The following STXBP5L variants were observed in gnomAD, a reference collection of about 807,000 sequenced individuals.
STXBP5L encodes the protein syntaxin-binding protein 5-like.
In STXBP5L, 65 loss-of-function variants were observed where a neutral mutation model predicts 144.5. That is an observed-to-expected ratio of 0.45 (90% CI 0.37 to 0.55). The LOEUF is 0.55. Among genes scored for constraint, STXBP5L ranks in the 20% least tolerant of loss-of-function variants. The pLI, the probability that STXBP5L is intolerant of heterozygous loss-of-function variation, is 0.00. For synonymous variants in STXBP5L, 505 were observed against 469.6 expected (o/e 1.08, Z -0.97); for missense variants, 1,298 against 1,405.5 (o/e 0.92, Z 1.22).
At chr3:121,060,559 C>G (rs1039187260) in intron 5 of STXBP5L, among the ~76,000 whole-genome samples, 26 of 152,290 alleles carry the variant, frequency 1.7e-4, no homozygotes, top group Admixed American at 1.0e-3. Flanking sequence ...ACCAGCTCCT[C>G]TTTGTACCTC....
At chr3:121,204,687 A>G (rs1158106470) in intron 9 of STXBP5L, among the ~76,000 whole-genome samples, 2 of 152,326 alleles carry the variant, frequency 1.3e-5, no homozygotes, top group African/African-American at 2.4e-5. Context: ...TGTAATAGAT[A>G]AACAACTGTG....
chr3:121,305,627 C>T (rs1282697864), intron 19 of STXBP5L, among the ~76,000 whole-genome samples: 1 of 151,924 alleles, frequency 6.6e-6, no homozygotes, highest in African/African-American at 2.4e-5. Flanking sequence ...CTTAACAAAA[C>T]AAGAATAGAA....
intron 5 of STXBP5L, among the ~76,000 whole-genome samples, chr3:121,067,187 G>T (rs2041590079): frequency 6.6e-6 from 1 of 151,096 alleles, no homozygotes; most frequent in Non-Finnish European, 1.5e-5. Flanking sequence ...TTCTTCATTG[G>T]GTTTGGTTTA....
At chr3:121,004,004 T>G (rs1168665766) in intron 3 of STXBP5L, among the ~76,000 whole-genome samples, 11 of 152,162 alleles carry the variant, frequency 7.2e-5, no homozygotes, top group Non-Finnish European at 1.5e-5. Context: ...GCTTTGTTCT[T>G]TTGGCTTAGG....
intron 5 of STXBP5L, among the ~76,000 whole-genome samples, chr3:121,078,629 G>A (rs576079158): frequency 6.4e-4 from 97 of 152,322 alleles, no homozygotes; most frequent in Middle Eastern, 6.8e-3. Context: ...CCCACGGAGT[G>A]GGGGAGGCTC....
At chr3:121,211,864 G>C (rs1484635614) in intron 10 of STXBP5L, among the ~76,000 whole-genome samples, 1 of 151,970 alleles carries the variant, frequency 6.6e-6, no homozygotes, top group Non-Finnish European at 1.5e-5. Context: ...ACAGGAGTGA[G>C]CCAACATGCT....
At chr3:121,322,285 C>T (rs1414833627) in intron 20 of STXBP5L, among the ~76,000 whole-genome samples, 11 of 152,024 alleles carry the variant, frequency 7.2e-5, no homozygotes. Flanking sequence ...TTGAGACCAG[C>T]CTAACCAACA....
intron 10 of STXBP5L, among the ~76,000 whole-genome samples, chr3:121,215,192 G>T (rs979611387): frequency 1.3e-5 from 2 of 152,058 alleles, no homozygotes; most frequent in African/African-American, 4.8e-5. Flanking sequence ...GGGGCATTTA[G>T]CCCACTTACA....
At chr3:121,104,167 G>A (rs537456704) in intron 5 of STXBP5L, among the ~76,000 whole-genome samples, 6 of 152,134 alleles carry the variant, frequency 3.9e-5, no homozygotes, top group African/African-American at 1.4e-4. Context: ...CCTGATCCAG[G>A]CAAGATAATA....
At chr3:121,021,604 T>A (rs570130813) in intron 3 of STXBP5L, among the ~76,000 whole-genome samples, 3 of 152,232 alleles carry the variant, frequency 2.0e-5, no homozygotes, top group Non-Finnish European at 4.4e-5. Context: ...GAAATCATCT[T>A]CAAAAGGAAC....
chr3:121,055,794 G>A (rs1020075804), intron 5 of STXBP5L, among the ~76,000 whole-genome samples: 1 of 151,862 alleles, frequency 6.6e-6, no homozygotes, highest in Non-Finnish European at 1.5e-5. Flanking sequence ...TGAATTCCTG[G>A]GCTACAGCAG....
chr3:121,217,576 C>T (rs2048823651), intron 10 of STXBP5L, among the ~76,000 whole-genome samples: 1 of 152,132 alleles, frequency 6.6e-6, no homozygotes, highest in Admixed American at 6.5e-5. Context: ...GAAATCACTT[C>T]CTTCTGTGTT....
At chr3:121,381,936 C>A (rs113157737) in intron 22 of STXBP5L, among the ~76,000 whole-genome samples, 2 of 152,214 alleles carry the variant, frequency 1.3e-5, no homozygotes, top group South Asian at 2.1e-4. Flanking sequence ...AAGCTAGAAG[C>A]TATCTGACCT....
At chr3:120,920,532 A>G (rs1268114289) in intron 2 of STXBP5L, among the ~76,000 whole-genome samples, 1 of 151,800 alleles carries the variant, frequency 6.6e-6, no homozygotes, top group African/African-American at 2.4e-5. Flanking sequence ...AGCTATTTTG[A>G]AATGTACAAT....
At chr3:121,021,670 G>T (rs900855331) in intron 3 of STXBP5L, among the ~76,000 whole-genome samples, 1 of 152,012 alleles carries the variant, frequency 6.6e-6, no homozygotes, top group African/African-American at 2.4e-5. Flanking sequence ...ATGATTGCTG[G>T]GTCAACAATG....
chr3:121,034,169 C>G (rs1946587741), intron 3 of STXBP5L, among the ~76,000 whole-genome samples: 1 of 151,894 alleles, frequency 6.6e-6, no homozygotes, highest in Non-Finnish European at 1.5e-5. Context: ...TTAAGGGGTA[C>G]AATTGCAGTT....
rs1937878523 is a variant in STXBP5L, at chr3:120,955,113, T to C, written c.287+76T>C. On this transcript the variant is annotated intron_variant, in intron 3 of 26. Coordinates refer to ENST00000471454, the MANE Select transcript of STXBP5L (RefSeq NM_001308330.2). ...TCTTTAAATATTCAGGTAAGATAAA[T>C]ATTTATGACCAAATAAAGTTTATTA... 3.9e-6 allele frequency: 4 copies of C among 1,031,634 alleles called. No individual in the cohort carries two copies. In the Admixed American group the frequency reaches 6.8e-5, roughly 17 times the overall value. The allele number at this position is 1,031,634 out of a possible 1,614,324, so 63.9% of individuals were successfully genotyped here.
Position 121,422,796 on chromosome 3 carries a change from T to G in STXBP5L, c.*3699T>G, listed in dbSNP as rs2047378962. Reference sequence around the variant, plus strand: ...AAAATCCAACTCCTTTCCCTCAAAGTTTCTAGGGATCTGAAGGAAAAGGTT... The same window carrying G: ...AAAATCCAACTCCTTTCCCTCAAAGGTTCTAGGGATCTGAAGGAAAAGGTT... On this transcript the variant is annotated 3_prime_UTR_variant, in exon 27 of 27. Coordinates refer to ENST00000471454, the MANE Select transcript of STXBP5L (RefSeq NM_001308330.2). 1.3e-5 allele frequency: 2 copies of G among 152,136 alleles called. No homozygotes were observed. Among genetic ancestry groups the G allele is most frequent in the Admixed American group, 1.3e-4 (2 of 15,272 alleles). The allele number at this position is 152,136 out of a possible 1,614,324, so 9.4% of individuals were successfully genotyped here. A position where few individuals can be genotyped will look rare whatever the true frequency, so the allele number is the denominator to read the frequency against.
intron 9 of STXBP5L, among the ~76,000 whole-genome samples, chr3:121,178,902 G>A (rs1468657550): frequency 6.6e-6 from 1 of 152,128 alleles, no homozygotes; most frequent in African/African-American, 2.4e-5. Context: ...GGTGAAAGAA[G>A]CTTCCAGCAG....
Sources: allele counts gnomAD v4.1 joint callset (sites outside exome capture counted in the v4.1 genomes callset), GRCh38; gene constraint gnomAD v4.1.1; transcripts MANE v1.5; gene names NCBI Gene and HGNC (gene_info 2026-07-23, HGNC 2026-07-21).